RABGGTB: variants seen among roughly 807,000 people sequenced by gnomAD.
RABGGTB encodes Rab geranylgeranyltransferase subunit beta.
RABGGTB carries 20 observed loss-of-function variants against 44.5 expected under a neutral mutation model. The ratio of observed to expected loss-of-function variants is 0.45; its 90% CI spans 0.32 to 0.65. The LOEUF (loss-of-function observed/expected upper bound fraction) is 0.65. RABGGTB is among the 30% of genes least tolerant of loss of function. The pLI is 0.05. For synonymous variants in RABGGTB, 128 were observed against 136.7 expected, an observed-to-expected ratio of 0.94 and a Z score of 0.44; for missense variants, 302 against 398.7, an observed-to-expected ratio of 0.76 and a Z score of 2.06.
intron 1 of RABGGTB, chr1:75,786,938 A>G (rs1008931770): frequency 2.8e-6 from 1 of 360,982 alleles, no homozygotes; most frequent in Non-Finnish European, 5.4e-6. Flanking sequence ...TTATTTTTTA[A>G]AAATATGCTT....
At chr1:75,792,080 G>A in intron 6 of RABGGTB, 101 bp from the exon 7 acceptor site, 1 of 1,079,632 alleles carries the variant, frequency 9.3e-7, no homozygotes. Flanking sequence ...AGATCAAGAA[G>A]AAAAACTTAA....
intron 3 of RABGGTB, chr1:75,789,566 T>C: frequency 1.3e-6 from 1 of 758,128 alleles, no homozygotes; most frequent in Non-Finnish European, 2.4e-6. Flanking sequence ...AAAATTTTTA[T>C]CTTCAGTATG....
intron 8 of RABGGTB, 121 bp from the exon 9 acceptor site, chr1:75,794,389 A>G: frequency 7.6e-7 from 1 of 1,313,674 alleles, no homozygotes; most frequent in South Asian, 1.5e-5. Flanking sequence ...GAACAATCTT[A>G]CAGAAATTTC....
intron 1 of RABGGTB, chr1:75,786,947 T>C (rs1649503794): frequency 2.7e-6 from 1 of 370,642 alleles, no homozygotes; most frequent in African/African-American, 2.2e-5. Flanking sequence ...AAAAATATGC[T>C]TTCTGCCACA....
At chr1:75,793,961 C>T in intron 7 of RABGGTB, 123 bp from the exon 8 acceptor site, 1 of 1,025,918 alleles carries the variant, frequency 9.7e-7, no homozygotes. Context: ...TTTCGTCCTT[C>T]CACATGGTTT....
At chr1:75,794,450 T>C in intron 8 of RABGGTB, 60 bp from the exon 9 acceptor site, 1 of 1,518,380 alleles carries the variant, frequency 6.6e-7, no homozygotes, top group South Asian at 1.2e-5. Context: ...CAGGTATTCA[T>C]AATTTGAAGT....
intron 2 of RABGGTB, chr1:75,788,906 C>A: frequency 2.0e-6 from 1 of 490,816 alleles, no homozygotes; most frequent in Non-Finnish European, 3.6e-6. Context: ...AACTAAAGCA[C>A]TGTTTGTATT....
intron 1 of RABGGTB, chr1:75,786,623 CG>C (rs1274674854): frequency 6.5e-6 from 2 of 308,468 alleles, no homozygotes; most frequent in African/African-American, 4.4e-5. Context: ...GATGTGGTCT[CG>C]CTTTAAGATT....
intron 1 of RABGGTB, chr1:75,787,158 C>G (rs367647245): frequency 5.3e-6 from 3 of 565,506 alleles, no homozygotes; most frequent in Non-Finnish European, 3.4e-6. Flanking sequence ...CTGAAAATTA[C>G]CTGAATCGTG....
At chr1:75,787,099 G>T (rs779163674) in intron 1 of RABGGTB, 2 of 527,564 alleles carry the variant, frequency 3.8e-6, no homozygotes, top group South Asian at 2.8e-5. Flanking sequence ...CATGTATTCT[G>T]AATCTAAAGT....
intron 2 of RABGGTB, 172 bp from the exon 3 acceptor site, chr1:75,788,987 G>A: frequency 1.7e-6 from 1 of 598,890 alleles, no homozygotes; most frequent in South Asian, 2.1e-5. Context: ...TGTGTCTGAA[G>A]ATGGCTTCTA....
At chr1:75,790,196 A>G in intron 4 of RABGGTB, 139 bp downstream of exon 4, 1 of 1,469,410 alleles carries the variant, frequency 6.8e-7, no homozygotes, top group South Asian at 1.4e-5. Context: ...GGTCTGCTGG[A>G]ACTTCCAGCA....
intron 1 of RABGGTB, 21 bp downstream of exon 1, chr1:75,786,295 G>A: frequency 1.9e-6 from 3 of 1,614,180 alleles, no homozygotes; most frequent in African/African-American, 1.3e-5. Flanking sequence ...GTTTAGCGCT[G>A]CTGTCCGGAT....
chr1:75,792,631 T>C (rs936471729), intron 7 of RABGGTB, among the ~76,000 whole-genome samples: 1 of 152,186 alleles, frequency 6.6e-6, no homozygotes, highest in African/African-American at 2.4e-5. Flanking sequence ...ATTTAAGGAA[T>C]ACCCAGATAA....
At chr1:75,791,364 G>T in intron 5 of RABGGTB, 27 bp downstream of exon 5, 3 of 1,597,668 alleles carry the variant, frequency 1.9e-6, no homozygotes, top group South Asian at 2.2e-5. Context: ...TGATTGAAAT[G>T]ATTAAAGTTC....
At chr1:75,788,197 G>C (rs1302984636) in intron 2 of RABGGTB, 1 of 244,236 alleles carries the variant, frequency 4.1e-6, no homozygotes, top group Non-Finnish European at 8.3e-6. Flanking sequence ...ATGGAGTTAA[G>C]GCCATATGGA....
At chr1:75,790,355 T>A (rs112163658) in intron 4 of RABGGTB, 73 of 1,158,190 alleles carry the variant, frequency 6.3e-5, no homozygotes, top group East Asian at 5.1e-4. Flanking sequence ...GAAAAATATT[T>A]AAAAAAAAAA....
intron 6 of RABGGTB, 178 bp downstream of exon 6, chr1:75,791,749 C>T (rs1002091111): frequency 1.7e-6 from 1 of 577,386 alleles, no homozygotes; most frequent in East Asian, 2.9e-5. Context: ...TACTATATAC[C>T]TTTCTCTGTC....
rs1368994620 is a variant in RABGGTB, at chr1:75,789,300, A to C, written c.253A>C (p.Ile85Leu). The change falls in exon 3 of 9, where the codon ATA (isoleucine) becomes CTA (leucine). Residue 85 changes from isoleucine (I) to leucine (L), a missense_variant. Ile to Leu is a conservative substitution (Grantham distance 5). Transcript: ENST00000319942. ...IKSCQHECGG[I>L]SASIGHDPHL... ...GTCTTGCCAACATGAATGTGGTGGA[A>C]TAAGTGCTAGTATCGGACATGATCC... 6 of 1,614,160 alleles carry C rather than the reference A, an allele frequency of 3.7e-6. No individual in the cohort carries two copies. The highest frequency in any genetic ancestry group is 5.1e-6 in the Non-Finnish European group (6 of 1,180,008).
Sources: gnomAD v4.1 joint callset for allele counts (sites outside exome capture counted in the v4.1 genomes callset) on GRCh38, gnomAD v4.1.1 for gene constraint, MANE v1.5 for transcripts, NCBI Gene and HGNC (gene_info 2026-07-23, HGNC 2026-07-21) for gene names.